Variants in TSHZ2 observed in about 807,000 individuals in gnomAD.
The protein encoded by TSHZ2 is teashirt zinc finger homeobox 2, also known as teashirt homolog 2.
Under a neutral mutation model 74.4 loss-of-function variants are expected in TSHZ2, and 21 were observed. The ratio of observed to expected loss-of-function variants is 0.28; its 90% CI spans 0.20 to 0.41. The LOEUF (loss-of-function observed/expected upper bound fraction) is 0.41. Among genes scored for constraint, TSHZ2 ranks in the 10% least tolerant of loss-of-function variants. The pLI is 1.00. For missense variants in TSHZ2, 1,244 were observed against 1,293.5 expected (o/e 0.96, Z 0.59); for synonymous variants, 540 against 515.3 (o/e 1.05, Z -0.65).
chr20:53,143,339 G>C (rs1224376991), intron 1 of TSHZ2, among the ~76,000 whole-genome samples: 2 of 152,162 alleles, frequency 1.3e-5, no homozygotes, highest in Non-Finnish European at 1.5e-5. Context: ...AGGTAAACTT[G>C]GCTATGATTT....
At chr20:53,368,021 G>A (rs141665677) in intron 2 of TSHZ2, among the ~76,000 whole-genome samples, 156 of 152,120 alleles carry the variant, frequency 1.0e-3, no homozygotes, top group African/African-American at 3.6e-3. Flanking sequence ...TATACGTGAC[G>A]TAGCGCCGAT....
At chr20:53,324,737 C>A (rs565735188) in intron 2 of TSHZ2, among the ~76,000 whole-genome samples, 2 of 152,304 alleles carry the variant, frequency 1.3e-5, no homozygotes, top group East Asian at 3.9e-4. Context: ...GCTCTTTCTC[C>A]TGTAATCCTG....
chr20:53,272,415 G>C (rs1990858953), intron 2 of TSHZ2, among the ~76,000 whole-genome samples: 1 of 152,150 alleles, frequency 6.6e-6, no homozygotes, highest in Non-Finnish European at 1.5e-5. Context: ...GCTTCCTGTT[G>C]TATTCCTTGG....
chr20:53,364,305 C>T (rs566760748), intron 2 of TSHZ2, among the ~76,000 whole-genome samples: 10 of 152,220 alleles, frequency 6.6e-5, no homozygotes, highest in South Asian at 4.1e-4. Flanking sequence ...ACCACCTGCC[C>T]GGAGAGCTGC....
chr20:53,423,763 G>A (rs1452770801), intron 2 of TSHZ2, among the ~76,000 whole-genome samples: 1 of 152,228 alleles, frequency 6.6e-6, no homozygotes, highest in Admixed American at 6.5e-5. Flanking sequence ...GGCAACTGAT[G>A]CTTCAGGATA....
chr20:53,011,422 T>A (rs912491827), intron 1 of TSHZ2, among the ~76,000 whole-genome samples: 4 of 152,228 alleles, frequency 2.6e-5, no homozygotes, highest in Non-Finnish European at 5.9e-5. Flanking sequence ...GTTTTAAATA[T>A]AACAGGACCA....
At chr20:53,229,072 T>C (rs1026560426) in intron 1 of TSHZ2, among the ~76,000 whole-genome samples, 4 of 152,132 alleles carry the variant, frequency 2.6e-5, no homozygotes, top group African/African-American at 9.7e-5. Flanking sequence ...GAAACAGGAA[T>C]CAGAACAGGA....
intron 2 of TSHZ2, among the ~76,000 whole-genome samples, chr20:53,312,668 C>T (rs1001854669): frequency 1.3e-5 from 2 of 152,158 alleles, no homozygotes; most frequent in Non-Finnish European, 1.5e-5. Context: ...CCAATGAGCA[C>T]GCTGTTCCGA....
At chr20:53,120,700 T>C (rs950128950) in intron 1 of TSHZ2, among the ~76,000 whole-genome samples, 1 of 152,130 alleles carries the variant, frequency 6.6e-6, no homozygotes, top group Non-Finnish European at 1.5e-5. Flanking sequence ...AACTCTTACC[T>C]CTTATAAAAA....
At chr20:53,269,813 GAAAA>G (rs1461838319) in intron 2 of TSHZ2, among the ~76,000 whole-genome samples, 2 of 144,080 alleles carry the variant, frequency 1.4e-5, no homozygotes, top group African/African-American at 5.3e-5. Flanking sequence ...AAAAAGAAAA[GAAAA>G]TCCATGTCAT....
intron 2 of TSHZ2, among the ~76,000 whole-genome samples, chr20:53,350,245 CAT>C (rs1360434302): frequency 1.3e-5 from 2 of 152,244 alleles, no homozygotes; most frequent in East Asian, 3.8e-4. Context: ...CAGCCTATCA[CAT>C]ATGACTTCAT....
intron 1 of TSHZ2, among the ~76,000 whole-genome samples, chr20:53,014,509 A>C (rs2256186): frequency 0.4 from 60,404 of 151,922 alleles, 12,504 homozygotes; most frequent in Non-Finnish European, 0.47. Context: ...TTTGGGGACC[A>C]GGTGGTGACT....
intron 1 of TSHZ2, among the ~76,000 whole-genome samples, chr20:53,113,774 A>C (rs1277923086): frequency 6.6e-6 from 1 of 152,152 alleles, no homozygotes; most frequent in Non-Finnish European, 1.5e-5. Flanking sequence ...TACCTTAGGC[A>C]TCTCCTCTTA....
intron 1 of TSHZ2, among the ~76,000 whole-genome samples, chr20:53,073,651 G>A (rs1985273893): frequency 6.6e-6 from 1 of 152,046 alleles, no homozygotes; most frequent in African/African-American, 2.4e-5. Flanking sequence ...TAAAAGGAAG[G>A]GGATGATACG....
chr20:53,317,645 T>C (rs1172391347), intron 2 of TSHZ2, among the ~76,000 whole-genome samples: 1 of 152,136 alleles, frequency 6.6e-6, no homozygotes, highest in Non-Finnish European at 1.5e-5. Context: ...GCAGCAAGAA[T>C]ACAAATTTCT....
intron 2 of TSHZ2, among the ~76,000 whole-genome samples, chr20:53,479,763 T>G (rs1322143431): frequency 6.6e-6 from 1 of 152,216 alleles, no homozygotes; most frequent in African/African-American, 2.4e-5. Context: ...TAGACACAAC[T>G]TCAGTTGTCA....
chr20:53,325,824 C>T (rs1037037823), intron 2 of TSHZ2, among the ~76,000 whole-genome samples: 2 of 152,120 alleles, frequency 1.3e-5, no homozygotes, highest in East Asian at 1.9e-4. Flanking sequence ...CACTGTCTCC[C>T]GGGCTGGAGT....
intron 1 of TSHZ2, among the ~76,000 whole-genome samples, chr20:53,055,403 A>C (rs1228284336): frequency 6.6e-6 from 1 of 152,204 alleles, no homozygotes. Flanking sequence ...AAAACAATTC[A>C]CTAAAATTTG....
At chr20:53,041,464 G>A (rs6022245) in intron 1 of TSHZ2, among the ~76,000 whole-genome samples, 5,378 of 152,182 alleles carry the variant, frequency 0.035, 298 homozygotes, top group African/African-American at 0.12. Context: ...TCTCTGATCC[G>A]CCAGTTCTGG....
Sources: allele counts gnomAD v4.1 joint callset (sites outside exome capture counted in the v4.1 genomes callset), GRCh38; gene constraint gnomAD v4.1.1; transcripts MANE v1.5; gene names NCBI Gene and HGNC (gene_info 2026-07-23, HGNC 2026-07-21).